SIRPG: variants seen among roughly 807,000 people sequenced by gnomAD.
SIRPG encodes signal regulatory protein gamma.
In SIRPG, 38 loss-of-function variants were observed where a neutral mutation model predicts 35.7. That is an observed-to-expected ratio of 1.06 (90% CI 0.82 to 1.40). The LOEUF (loss-of-function observed/expected upper bound fraction) is 1.40, where lower values mean the gene tolerates loss of function less well. Among genes scored for constraint, SIRPG ranks in the 40% most tolerant of loss-of-function variants. The probability of loss-of-function intolerance (pLI) is 0.00; values close to 1 mark genes in which losing one functional copy is unlikely to be tolerated. For synonymous variants in SIRPG, 215 were observed against 190.4 expected, an observed-to-expected ratio of 1.13 and a Z score of -1.06; for missense variants, 519 against 483.0, an observed-to-expected ratio of 1.07 and a Z score of -0.70.
At chr20:1,683,953 G>A in the SIRPG span, among the ~76,000 whole-genome samples, 1 of 144,034 alleles carries the variant, frequency 6.9e-6, no homozygotes, top group Non-Finnish European at 1.6e-5. Context: ...TGGACAACAA[G>A]GGTGAAACAC....
chr20:1,651,938 C>T (rs927067322), intron 1 of SIRPG, among the ~76,000 whole-genome samples: 8 of 152,186 alleles, frequency 5.3e-5, no homozygotes, highest in Non-Finnish European at 1.2e-4. Flanking sequence ...TCCAGCATCT[C>T]TGAGTTGTTT....
the SIRPG span, among the ~76,000 whole-genome samples, chr20:1,682,518 A>G: frequency 2.0e-5 from 3 of 152,216 alleles, no homozygotes; most frequent in Non-Finnish European, 4.4e-5. Context: ...TTGTTCCTCA[A>G]CATAATAAAT....
chr20:1,664,602 G>GT, the SIRPG span, among the ~76,000 whole-genome samples: 1 of 152,192 alleles, frequency 6.6e-6, no homozygotes, highest in Non-Finnish European at 1.5e-5. Flanking sequence ...ACTCCACTCT[G>GT]GGGCATCAAG....
At chr20:1,656,275 C>T (rs1395367642) in intron 1 of SIRPG, among the ~76,000 whole-genome samples, 4 of 152,186 alleles carry the variant, frequency 2.6e-5, no homozygotes, top group Admixed American at 6.5e-5. Flanking sequence ...GCTCCATGGA[C>T]TGAAGTAGGG....
At chr20:1,685,480 G>A in the SIRPG span, among the ~76,000 whole-genome samples, 5 of 152,170 alleles carry the variant, frequency 3.3e-5, no homozygotes, top group South Asian at 2.1e-4. Flanking sequence ...GAGCAGAGAC[G>A]GCCATCTACG....
At chr20:1,641,739 A>G (rs1209820294) in intron 2 of SIRPG, among the ~76,000 whole-genome samples, 1 of 152,066 alleles carries the variant, frequency 6.6e-6, no homozygotes, top group Non-Finnish European at 1.5e-5. Context: ...CGTGCTATAA[A>G]TTTCCCTCTA....
At chr20:1,666,030 G>A in the SIRPG span, among the ~76,000 whole-genome samples, 15 of 152,014 alleles carry the variant, frequency 9.9e-5, no homozygotes, top group East Asian at 1.9e-4. Context: ...GACAAGATGC[G>A]AAGGTGGAAG....
the SIRPG span, among the ~76,000 whole-genome samples, chr20:1,672,916 A>G: frequency 6.6e-6 from 1 of 152,180 alleles, no homozygotes; most frequent in East Asian, 1.9e-4. Flanking sequence ...TTAGTTAACT[A>G]CAAGAAACAC....
At chr20:1,675,819 C>A in the SIRPG span, among the ~76,000 whole-genome samples, 22 of 152,298 alleles carry the variant, frequency 1.4e-4, no homozygotes, top group South Asian at 1.9e-3. Flanking sequence ...TTTGCTTCAA[C>A]CTCAAAGAGC....
chr20:1,645,292 C>T (rs2091890139), intron 2 of SIRPG, among the ~76,000 whole-genome samples: 1 of 152,164 alleles, frequency 6.6e-6, no homozygotes, highest in Non-Finnish European at 1.5e-5. Flanking sequence ...GGGGCATGAC[C>T]TTTGCCAGGG....
the SIRPG span, chr20:1,670,102 T>A: frequency 1.2e-5 from 3 of 249,656 alleles, no homozygotes; most frequent in Admixed American, 1.2e-4. Context: ...GGATGGAGGC[T>A]GTTTCTATCT....
Position 1,636,329 on chromosome 20 carries a change from C to T in SIRPG, c.607G>A (p.Val203Met). ...QTNVDPTGQS[V>M]AYSIRSTARV... ...GCTGTGCTGCGGATGCTGTAGGCCACACTCTGTCCTGTGGGGTCCACGTTG... is the reference window on the plus strand; with the variant it reads ...GCTGTGCTGCGGATGCTGTAGGCCATACTCTGTCCTGTGGGGTCCACGTTG... The change falls in exon 3 of 6, where the codon GTG (valine) becomes ATG (methionine). Residue 203 changes from valine (V) to methionine (M), a missense_variant. Coordinates refer to ENST00000303415, the MANE Select transcript of SIRPG (RefSeq NM_018556.4). The T allele has an allele frequency of 4.3e-6, 7 of 1,614,258 alleles. No individual in the cohort carries two copies. Among genetic ancestry groups the T allele is most frequent in the Non-Finnish European group, 5.9e-6 (7 of 1,180,048 alleles).
At chr20:1,671,162 CT>C in the SIRPG span, 10 of 358,630 alleles carry the variant, frequency 2.8e-5, no homozygotes, top group South Asian at 2.5e-4. Context: ...GTGGTCCTCA[CT>C]GCAGTGCATG....
the SIRPG span, chr20:1,676,594 G>A: frequency 6.5e-6 from 1 of 152,708 alleles, no homozygotes; most frequent in Non-Finnish European, 1.5e-5. Context: ...GGAAACCGAT[G>A]AAAAGGAGAA....
At chr20:1,676,782 C>T in the SIRPG span, 122 of 216,338 alleles carry the variant, frequency 5.6e-4, no homozygotes, top group African/African-American at 2.7e-3. Context: ...ACTGGACAGG[C>T]CCCACAGGGA....
At chr20:1,639,359 C>A (rs2091832036) in intron 2 of SIRPG, among the ~76,000 whole-genome samples, 1 of 152,076 alleles carries the variant, frequency 6.6e-6, no homozygotes, top group Non-Finnish European at 1.5e-5. Flanking sequence ...ATTTTCATTT[C>A]TCTAATGATC....
chr20:1,677,188 G>T, the SIRPG span, among the ~76,000 whole-genome samples: 1 of 152,042 alleles, frequency 6.6e-6, no homozygotes, highest in Non-Finnish European at 1.5e-5. Flanking sequence ...GCACAGAGAG[G>T]TTCAATTTTA....
rs749270138 is a variant in SIRPG, at chr20:1,636,521, C to T, written c.431-16G>A. 1.2e-5 allele frequency: 19 copies of T among 1,613,246 alleles called. No individual in the cohort carries two copies. Among genetic ancestry groups the T allele is most frequent in the African/African-American group, 2.7e-5 (2 of 74,904 alleles). On this transcript the variant is annotated splice_polypyrimidine_tract_variant and intron_variant, in intron 2 of 5. Transcript: ENST00000303415. Reference sequence around the variant, plus strand: ...GAGGGTTTGGCTACAAAAGGGGCATCGATAAACAGGAGACATGACTGAGAT... The same window carrying T: ...GAGGGTTTGGCTACAAAAGGGGCATTGATAAACAGGAGACATGACTGAGAT...
the SIRPG span, chr20:1,665,284 C>A: frequency 1.2e-5 from 2 of 166,492 alleles, no homozygotes; most frequent in South Asian, 3.1e-4. Flanking sequence ...CACTTACAGT[C>A]AGGCCTCTGC....
Sources: allele counts gnomAD v4.1 joint callset (sites outside exome capture counted in the v4.1 genomes callset), GRCh38; gene constraint gnomAD v4.1.1; transcripts MANE v1.5; gene names NCBI Gene and HGNC (gene_info 2026-07-23, HGNC 2026-07-21).